Variants in TMEM8B observed in about 807,000 individuals in gnomAD.
TMEM8B encodes the protein nasopharyngeal carcinoma expressed 6.
In TMEM8B, 29 loss-of-function variants were observed where a neutral mutation model predicts 49.3. The ratio of observed to expected loss-of-function variants is 0.59; its 90% CI spans 0.44 to 0.80. The LOEUF (loss-of-function observed/expected upper bound fraction) is 0.80. Among genes scored for constraint, TMEM8B ranks in the 30% least tolerant of loss-of-function variants. The pLI, the probability that TMEM8B is intolerant of heterozygous loss-of-function variation, is 0.00. For missense variants in TMEM8B, 575 were observed against 658.5 expected, an observed-to-expected ratio of 0.87 and a Z score of 1.39; for synonymous variants, 264 against 272.8, an observed-to-expected ratio of 0.97 and a Z score of 0.32.
chr9:35,852,800 C>T (rs1277076338), intron 10 of TMEM8B, 27 bp from the exon 11 acceptor site: 4 of 1,613,854 alleles, frequency 2.5e-6, no homozygotes, highest in African/African-American at 1.3e-5. Context: ...CTCAAGTTCT[C>T]TCAATGCCTG....
chr9:35,841,437 T>G lies in TMEM8B; in HGVS notation c.1041-89T>G, dbSNP rs943302815. ...ACCTGAACAGGCCTCCTTCCCACCC[T>G]ATGCCCCCTCCTTCCTAGTGCTTCC... On this transcript the variant is annotated intron_variant, in intron 4 of 12. Transcript: ENST00000643932. This position sits in a 1 kb window ranked among gnomAD's most constrained non-coding sequence, Gnocchi z 5.9. 1 of 411,150 alleles carries G rather than the reference T, an allele frequency of 2.4e-6. No individual in the cohort carries two copies. The allele number at this position is 411,150 out of a possible 1,614,324, so 25.5% of individuals were successfully genotyped here. A position where few individuals can be genotyped will look rare whatever the true frequency, so the allele number is the denominator to read the frequency against.
At chr9:35,845,201 G>A (rs1245267215) in intron 6 of TMEM8B, among the ~76,000 whole-genome samples, 1 of 152,206 alleles carries the variant, frequency 6.6e-6, no homozygotes, top group African/African-American at 2.4e-5. Flanking sequence ...TTTATATTAT[G>A]TAGTTGCAAA....
At chr9:35,850,934 G>A (rs1015423299) in intron 10 of TMEM8B, among the ~76,000 whole-genome samples, 11 of 152,116 alleles carry the variant, frequency 7.2e-5, no homozygotes, top group African/African-American at 2.7e-4. Flanking sequence ...GTGGCCTATA[G>A]TACTTATGTC....
intron 3 of TMEM8B, among the ~76,000 whole-genome samples, chr9:35,837,459 C>T (rs1830550492): frequency 6.6e-6 from 1 of 152,080 alleles, no homozygotes; most frequent in South Asian, 2.1e-4. Flanking sequence ...GTGGGAGTAG[C>T]ATGGCCCAAA....
In TMEM8B at chr9:35,846,354, T is replaced by A; in HGVS notation, c.1826T>A (p.Leu609His). 1 of 1,613,884 alleles carries A rather than the reference T, an allele frequency of 6.2e-7. No homozygotes were observed. Among genetic ancestry groups the A allele is most frequent in the Non-Finnish European group, 8.5e-7 (1 of 1,179,992 alleles). ...FPQTGTWFLA[L>H]RSLCGVGPRF... ...CAGACGGGGACCTGGTTCCTGGCCCTCCGCTCCCTGTGCGGGGTGGGGCCT... is the reference window on the plus strand; with the variant it reads ...CAGACGGGGACCTGGTTCCTGGCCCACCGCTCCCTGTGCGGGGTGGGGCCT... Residue 609 changes from leucine to histidine, a missense_variant, in exon 8 of 13, where the codon CTC (leucine) becomes CAC (histidine). Leu to His is a moderately conservative substitution (Grantham distance 99, BLOSUM62 -3). Coordinates refer to ENST00000643932, the MANE Select transcript of TMEM8B (RefSeq NM_001042590.4).
chr9:35,847,920 T>C (rs1831766105), intron 10 of TMEM8B, among the ~76,000 whole-genome samples: 2 of 152,226 alleles, frequency 1.3e-5, no homozygotes, highest in Admixed American at 1.3e-4. Context: ...CATCTGGGAA[T>C]CTTTTCAACT....
chr9:35,834,070 A>C lies in TMEM8B; in HGVS notation c.509-391A>C, dbSNP rs190493441. The stretch of plus-strand genomic sequence containing the variant: ...CACACACACACACACACACACACAC[A>C]CCTTCCACACATCTGTTTTTTTTAG... On this transcript the variant is annotated intron_variant, in intron 1 of 12. Transcript: ENST00000643932. Among the ~76,000 whole-genome samples the C allele has an allele frequency of 3.0e-3, 437 of 147,296 alleles. 3 individuals carry two copies. Among genetic ancestry groups the C allele is most frequent in the African/African-American group, 0.011 (419 of 38,842 alleles).
At chr9:35,847,303 G>C in intron 10 of TMEM8B, 1 of 710,226 alleles carries the variant, frequency 1.4e-6, no homozygotes, top group Non-Finnish European at 2.4e-6. Flanking sequence ...CCAAGAAACT[G>C]GCCTAAAGTA....
rs1312286852 is a variant in TMEM8B, at chr9:35,860,532, A to T, written c.*6692A>T. On this transcript the variant is annotated 3_prime_UTR_variant, in exon 13 of 13. Transcript: ENST00000643932. Reference sequence around the variant, plus strand: ...CTGAGTCAGGTGAGATGAGCTCCGGAAGGCAGGTGGGTAATGGATGATGCT... The same window carrying T: ...CTGAGTCAGGTGAGATGAGCTCCGGTAGGCAGGTGGGTAATGGATGATGCT... 1.3e-5 allele frequency: 2 copies of T among 152,200 alleles called. No individual in the cohort carries two copies. The highest frequency in any genetic ancestry group is 4.8e-5 in the African/African-American group (2 of 41,454). 9.4% of individuals were successfully genotyped at this position (152,200 alleles called of 1,614,324 possible).
At position 35,853,193 on chromosome 9, in the gene TMEM8B, G is replaced by T. The variant is rs759043759; in HGVS notation, c.2375G>T (p.Arg792Leu). 1.2e-6 allele frequency: 2 copies of T among 1,614,132 alleles called. No homozygotes were observed. Among genetic ancestry groups the T allele is most frequent in the Admixed American group, 3.3e-5 (2 of 60,026 alleles). The change falls in exon 12 of 13, where the codon CGA becomes CTA. Residue 792 changes from arginine to leucine, a missense_variant. By Grantham distance (102) the Arg-to-Leu change is moderately radical (BLOSUM62 -2). Coordinates refer to ENST00000643932, the MANE Select transcript of TMEM8B (RefSeq NM_001042590.4). The surrounding 1 kb of genome is among the most constrained non-coding windows in gnomAD (Gnocchi z 4.2). Reference sequence around the variant, plus strand: ...CTGTCCATGGCTCTGCAGCTTGACCGACATGGACTCTGGAACCTGCTTGGA... The same window carrying T: ...CTGTCCATGGCTCTGCAGCTTGACCTACATGGACTCTGGAACCTGCTTGGA... ...MLLSMALQLD[R>L]HGLWNLLGPS...
At position 35,829,375 on chromosome 9, in the gene TMEM8B, G is replaced by A; in HGVS notation, c.-73G>A. On this transcript the variant is annotated 5_prime_UTR_variant, in exon 1 of 13. Coordinates refer to ENST00000643932, the MANE Select transcript of TMEM8B (RefSeq NM_001042590.4). ...ACACCGGAGGCCACCCCCCGGGGGT[G>A]GGGAGCGGAGCCGCGGGCCAGCTCT... The A allele has an allele frequency of 2.7e-6, 1 of 375,010 alleles. No homozygotes were observed. The highest frequency in any genetic ancestry group is 4.7e-6 in the Non-Finnish European group (1 of 211,628). The allele number at this position is 375,010 out of a possible 1,614,324, so 23.2% of individuals were successfully genotyped here. A position where few individuals can be genotyped will look rare whatever the true frequency, so the allele number is the denominator to read the frequency against.
Position 35,846,238 on chromosome 9 carries a change from CTCCT to C in TMEM8B, c.1730-13_1730-10del. ...TCTGACCCCTCCTCCCTCTCACTGA[CTCCT>C]TCCTTCTCCCTTCAGAGTCCCTGGC... On this transcript the variant is annotated splice_polypyrimidine_tract_variant and intron_variant, in intron 7 of 12. Coordinates refer to ENST00000643932, the MANE Select transcript of TMEM8B (RefSeq NM_001042590.4). 1 of 1,613,854 alleles carries C rather than the reference CTCCT, an allele frequency of 6.2e-7. No homozygotes were observed. The highest frequency in any genetic ancestry group is 8.5e-7 in the Non-Finnish European group (1 of 1,179,798).
Position 35,841,549 on chromosome 9 carries a change from A to T in TMEM8B, c.1064A>T (p.Tyr355Phe). The change falls in exon 5 of 13, where the codon TAC (tyrosine) becomes TTC (phenylalanine). Residue 355 changes from tyrosine to phenylalanine, a missense_variant. Physicochemically the swap from Tyr to Phe is conservative, Grantham distance 22. Coordinates refer to ENST00000643932, the MANE Select transcript of TMEM8B (RefSeq NM_001042590.4). This position sits in a 1 kb window ranked among gnomAD's most constrained non-coding sequence, Gnocchi z 5.9. ...LYKVFVPSFT[Y>F]RVSAQLVCVG... Reference sequence around the variant, plus strand: ...AGGGTCTTTGTGCCCAGCTTCACTTACAGGGTTTCAGCACAGCTGGTGTGT... The same window carrying T: ...AGGGTCTTTGTGCCCAGCTTCACTTTCAGGGTTTCAGCACAGCTGGTGTGT... 4.8e-6 allele frequency: 2 copies of T among 416,686 alleles called. No individual in the cohort carries two copies. Among genetic ancestry groups the T allele is most frequent in the Non-Finnish European group, 8.8e-6 (2 of 227,078 alleles). The allele number at this position is 416,686 out of a possible 1,614,324, so 25.8% of individuals were successfully genotyped here.
At chr9:35,844,018 C>T (rs899170676) in intron 6 of TMEM8B, among the ~76,000 whole-genome samples, 8 of 152,242 alleles carry the variant, frequency 5.3e-5, no homozygotes, top group African/African-American at 1.7e-4. Flanking sequence ...CCTGCCTCGG[C>T]CGCCCAACAT....
intron 3 of TMEM8B, among the ~76,000 whole-genome samples, chr9:35,838,608 C>T (rs1338071615): frequency 6.6e-6 from 1 of 152,166 alleles, no homozygotes; most frequent in East Asian, 1.9e-4. Context: ...CCACTGCTTA[C>T]TTGACATCTC....
Position 35,864,255 on chromosome 9 carries a change from G to C in TMEM8B, c.*10415G>C, listed in dbSNP as rs915873347. On this transcript the variant is annotated 3_prime_UTR_variant, in exon 13 of 13. Transcript: ENST00000643932. ...CAACCTGAGGTCTGATAGACCCAGG[G>C]TTACTTTGCAAGCTAACTGACATAT... 1 of 152,148 alleles carries C rather than the reference G, an allele frequency of 6.6e-6. No individual in the cohort carries two copies. The highest frequency in any genetic ancestry group is 2.4e-5 in the African/African-American group (1 of 41,422). The allele number at this position is 152,148 out of a possible 1,614,324, so 9.4% of individuals were successfully genotyped here.
chr9:35,834,622 G>T lies in TMEM8B; in HGVS notation c.670G>T (p.Asp224Tyr). The T allele has an allele frequency of 4.8e-6, 2 of 415,870 alleles. No homozygotes were observed. The highest frequency in any genetic ancestry group is 7.1e-5 in the East Asian group (2 of 28,080). The allele number at this position is 415,870 out of a possible 1,614,324, so 25.8% of individuals were successfully genotyped here. ...IFKEQGGTFGDHCPDQSVTVY... is the reference protein window; with the variant it reads ...IFKEQGGTFGYHCPDQSVTVY... The stretch of plus-strand genomic sequence containing the variant: ...CAAGGAGCAAGGGGGAACTTTTGGG[G>T]ACCACTGCCCAGACCAAAGTGTGAC... The change falls in exon 2 of 13, where the codon GAC (aspartate) becomes TAC (tyrosine). Residue 224 changes from aspartate (D) to tyrosine (Y), a missense_variant. By Grantham distance (160) the Asp-to-Tyr change is radical. Transcript: ENST00000643932.
chr9:35,844,373 AAT>A (rs1296244310), intron 6 of TMEM8B, among the ~76,000 whole-genome samples: 1 of 152,204 alleles, frequency 6.6e-6, no homozygotes, highest in Non-Finnish European at 1.5e-5. Context: ...CCCATTAGAG[AAT>A]ATCTTCAGCT....
Position 35,846,598 on chromosome 9 carries a change from C to T in TMEM8B, c.1983C>T (p.Cys661=), listed in dbSNP as rs369723975. Residue 661 remains cysteine, a synonymous_variant, in exon 9 of 13, where the codon TGC becomes TGT. Transcript: ENST00000643932. ...CACACAATTATCTGTACGCAGCCTG[C>T]GAGTGCAAGGCCGGTGAGCAGGCTG... ...LRTHNYLYAA[C]ECKAGWRGWG... 1.2e-5 allele frequency: 19 copies of T among 1,571,702 alleles called. No homozygotes were observed. Among genetic ancestry groups the T allele is most frequent in the Non-Finnish European group, 4.3e-6 (5 of 1,158,226 alleles).
Sources: allele counts gnomAD v4.1 joint callset (sites outside exome capture counted in the v4.1 genomes callset), GRCh38; gene constraint gnomAD v4.1.1; non-coding constraint Gnocchi (gnomAD v3.1); transcripts MANE v1.5; gene names NCBI Gene and HGNC (gene_info 2026-07-23, HGNC 2026-07-21).